FBN2: variants seen among roughly 807,000 people sequenced by gnomAD.
FBN2 encodes the protein fibrillin-2.
FBN2 carries 105 observed loss-of-function variants against 355.6 expected under a neutral mutation model. That is an observed-to-expected ratio of 0.30 (90% CI 0.25 to 0.35). The LOEUF (loss-of-function observed/expected upper bound fraction) is 0.35. FBN2 is among the 10% of genes least tolerant of loss of function. The probability of loss-of-function intolerance (pLI) is 1.00; values close to 1 mark genes in which losing one functional copy is unlikely to be tolerated. For synonymous variants in FBN2, 1,350 were observed against 1,301.2 expected (o/e 1.04, Z -0.81); for missense variants, 3,280 against 3,758.7 (o/e 0.87, Z 3.33).
chr5:128,318,410 A>C, intron 35 of FBN2, 139 bp from the exon 36 acceptor site: 1 of 907,646 alleles, frequency 1.1e-6, no homozygotes, highest in South Asian at 1.4e-5. Flanking sequence ...TAAAATAAAT[A>C]TCTTAAATTT....
At chr5:128,335,431 A>G (rs1750810175) in intron 29 of FBN2, 24 bp downstream of exon 29, 2 of 1,614,010 alleles carry the variant, frequency 1.2e-6, no homozygotes, top group East Asian at 4.5e-5. Context: ...GATGTACAAA[A>G]CCTGTGTGTT....
rs535026161 is a variant in FBN2 at position 128,537,712 on chromosome 5, C to T, written c.-109G>A. Reference sequence around the variant, plus strand: ...GGGTCTAATAAGCCCTTCGTCGGCTCCGGGGACTCCCTCGGGCTCGGGCTC... The same window carrying T: ...GGGTCTAATAAGCCCTTCGTCGGCTTCGGGGACTCCCTCGGGCTCGGGCTC... On this transcript the variant is annotated 5_prime_UTR_variant, in exon 1 of 65. Coordinates refer to ENST00000262464, the MANE Select transcript of FBN2 (RefSeq NM_001999.4). The T allele has an allele frequency of 1.2e-4, 134 of 1,101,372 alleles. No individual in the cohort carries two copies. The African/African-American group carries it at 2.0e-3, about 16-fold the overall frequency. The allele number at this position is 1,101,372 out of a possible 1,614,324, so 68.2% of individuals were successfully genotyped here.
At chr5:128,339,874 C>T (rs1207617383) in intron 25 of FBN2, among the ~76,000 whole-genome samples, 1 of 152,148 alleles carries the variant, frequency 6.6e-6, no homozygotes, top group Non-Finnish European at 1.5e-5. Context: ...TAGGGCAGGG[C>T]CATGGTGTGT....
chr5:128,384,892 G>C (rs908404606), intron 11 of FBN2, among the ~76,000 whole-genome samples: 2 of 151,992 alleles, frequency 1.3e-5, no homozygotes, highest in Admixed American at 6.6e-5. Flanking sequence ...ACTTCTTTAA[G>C]ACTTTGAACT....
At chr5:128,344,278 A>G (rs935136052) in intron 25 of FBN2, 107 bp downstream of exon 25, 14 of 1,175,788 alleles carry the variant, frequency 1.2e-5, no homozygotes, top group Admixed American at 4.0e-5. Flanking sequence ...ATAAATAAAA[A>G]TTTTCATGTT....
At chr5:128,484,739 A>C (rs755676815) in intron 5 of FBN2, among the ~76,000 whole-genome samples, 1 of 152,220 alleles carries the variant, frequency 6.6e-6, no homozygotes, top group Non-Finnish European at 1.5e-5. Context: ...CAGTGGAGGA[A>C]AGTGAGACAC....
intron 19 of FBN2, among the ~76,000 whole-genome samples, chr5:128,359,639 T>C (rs1023493251): frequency 2.0e-5 from 3 of 152,106 alleles, no homozygotes; most frequent in African/African-American, 7.2e-5. Context: ...ATGACAGACA[T>C]AAAATTGTTT....
chr5:128,304,191 T>C (rs1749800483), intron 45 of FBN2, among the ~76,000 whole-genome samples: 1 of 152,208 alleles, frequency 6.6e-6, no homozygotes, highest in Non-Finnish European at 1.5e-5. Flanking sequence ...TAATTACAAG[T>C]AGCCAAGTTT....
At chr5:128,361,171 G>A (rs1284497820) in intron 19 of FBN2, among the ~76,000 whole-genome samples, 1 of 152,172 alleles carries the variant, frequency 6.6e-6, no homozygotes, top group Non-Finnish European at 1.5e-5. Context: ...TTAAACACTA[G>A]TTATGGTCTA....
At position 128,289,206 on chromosome 5, in the gene FBN2, T is replaced by G. The variant is rs757216544; in HGVS notation, c.6558A>C (p.Gln2186His). The G allele has an allele frequency of 6.2e-7, 1 of 1,613,452 alleles. No homozygotes were observed. The highest frequency in any genetic ancestry group is 2.2e-5 in the East Asian group (1 of 44,876). Residue 2186 changes from glutamine to histidine, a missense_variant, in exon 52 of 65, where the codon CAA (glutamine) becomes CAC (histidine). Around this residue, in one of 6 missense-constraint regions of FBN2, gnomAD observed 2,284 missense variants for 2,749.5 expected, o/e 0.83. Coordinates refer to ENST00000262464, the MANE Select transcript of FBN2 (RefSeq NM_001999.4). ...GAAAAGATCCGTCGGTGTTGATACA[T>G]TGACCATTTGAACAAATGCCTGGGC... is the stretch of plus-strand genomic sequence containing the variant. ...LESPGICSNG[Q>H]CINTDGSFRC...
intron 8 of FBN2, among the ~76,000 whole-genome samples, chr5:128,403,024 T>A (rs1205386438): frequency 6.6e-6 from 1 of 152,188 alleles, no homozygotes; most frequent in Non-Finnish European, 1.5e-5. Flanking sequence ...TTAAAACTGA[T>A]ATCCTCATAC....
intron 8 of FBN2, among the ~76,000 whole-genome samples, chr5:128,408,458 T>C (rs756221446): frequency 7.9e-5 from 12 of 152,224 alleles, no homozygotes; most frequent in Non-Finnish European, 1.5e-4. Context: ...CAAAATGACT[T>C]TGACAACATA....
intron 5 of FBN2, among the ~76,000 whole-genome samples, chr5:128,512,651 T>C (rs1004145732): frequency 2.7e-4 from 41 of 152,306 alleles, no homozygotes; most frequent in African/African-American, 7.5e-4. Context: ...ATCTCAGGAT[T>C]GTGAACTTCT....
At chr5:128,357,182 G>C (rs933815744) in intron 20 of FBN2, 94 bp downstream of exon 20, 2 of 1,499,472 alleles carry the variant, frequency 1.3e-6, no homozygotes, top group Non-Finnish European at 1.9e-6. Context: ...TTTGCTTTTT[G>C]GAATCATATT....
At chr5:128,417,085 C>A (rs1282533564) in intron 7 of FBN2, among the ~76,000 whole-genome samples, 1 of 151,898 alleles carries the variant, frequency 6.6e-6, no homozygotes, top group Non-Finnish European at 1.5e-5. Context: ...TAAATTTATT[C>A]TTAAGTATTT....
chr5:128,388,019 G>T (rs1752412578), intron 11 of FBN2, among the ~76,000 whole-genome samples: 1 of 152,170 alleles, frequency 6.6e-6, no homozygotes, highest in African/African-American at 2.4e-5. Flanking sequence ...TATGAATCTG[G>T]ATGCTCCAGT....
chr5:128,531,723 T>C (rs1413919210), intron 2 of FBN2, among the ~76,000 whole-genome samples: 1 of 143,156 alleles, frequency 7.0e-6, no homozygotes, highest in African/African-American at 2.6e-5. Flanking sequence ...TGTATGTGTG[T>C]ATATATATAT....
At chr5:128,288,332 G>T in intron 53 of FBN2, 106 bp downstream of exon 53, 1 of 1,347,082 alleles carries the variant, frequency 7.4e-7, no homozygotes, top group Non-Finnish European at 1.0e-6. Context: ...AAACCCCACC[G>T]TATGCTCACC....
In FBN2 at chr5:128,367,224, C is replaced by T. The variant is rs549154683; in HGVS notation, c.2249-794G>A. On this transcript the variant is annotated intron_variant, in intron 16 of 64. Coordinates refer to ENST00000262464, the MANE Select transcript of FBN2 (RefSeq NM_001999.4). Reference sequence around the variant, plus strand: ...TTAGATAGTTCTTCCCCTCCTAAAACGCCCCCAAATTACCCCTCCATCAGC... The same window carrying T: ...TTAGATAGTTCTTCCCCTCCTAAAATGCCCCCAAATTACCCCTCCATCAGC... Among the ~76,000 whole-genome samples, 13 of 152,192 alleles carry T rather than the reference C, an allele frequency of 8.5e-5. No homozygotes were observed. The East Asian group carries it at 1.9e-3, about 23-fold the overall frequency.
Sources: allele counts gnomAD v4.1 joint callset (sites outside exome capture counted in the v4.1 genomes callset), GRCh38; gene constraint gnomAD v4.1.1; regional missense constraint gnomAD v4.1.1; transcripts MANE v1.5; gene names NCBI Gene and HGNC (gene_info 2026-07-23, HGNC 2026-07-21).